The following WDFY4 variants were observed in gnomAD, a reference collection of about 807,000 sequenced individuals.
The protein encoded by WDFY4 is WDFY family member 4.
A neutral mutation model predicts 351.9 loss-of-function variants in WDFY4; 169 were observed. The ratio of observed to expected loss-of-function variants is 0.48; its 90% CI spans 0.42 to 0.55. The LOEUF (loss-of-function observed/expected upper bound fraction) is 0.55, where lower values mean the gene tolerates loss of function less well. WDFY4 is among the 20% of genes least tolerant of loss of function. WDFY4 has a pLI of 0.00. For missense variants in WDFY4, 3,803 were observed against 3,935.6 expected, an observed-to-expected ratio of 0.97 and a Z score of 0.90; for synonymous variants, 1,622 against 1,574.6, an observed-to-expected ratio of 1.03 and a Z score of -0.71.
chr10:48,959,428 C>T (rs1405166435), intron 52 of WDFY4, among the ~76,000 whole-genome samples: 1 of 152,148 alleles, frequency 6.6e-6, no homozygotes, highest in African/African-American at 2.4e-5. Context: ...CAGTACAGTG[C>T]AGAGGAAGAT....
rs1444234193 is a variant in WDFY4 at position 48,776,763 on chromosome 10, A to G, written c.2877A>G (p.Ala959=). The G allele has an allele frequency of 1.9e-6, 3 of 1,547,962 alleles. No individual in the cohort carries two copies. Among genetic ancestry groups the G allele is most frequent in the Admixed American group, 2.0e-5 (1 of 50,770 alleles). Residue 959 remains alanine (A), a synonymous_variant, in exon 16 of 62, where the codon GCA becomes GCG. Coordinates refer to ENST00000325239, the MANE Select transcript of WDFY4 (RefSeq NM_001394531.1). ...GNPGCSGSQT[A]QGLAEGPWPA... The stretch of plus-strand genomic sequence containing the variant: ...TTGCTGCCCTAGGGTCACAGACTGC[A>G]CAGGGCTTGGCTGAGGGGCCCTGGC...
In WDFY4 at chr10:48,900,143, T is replaced by C; in HGVS notation, c.7438-78T>C. On this transcript the variant is annotated intron_variant, in intron 45 of 61. Coordinates refer to ENST00000325239, the MANE Select transcript of WDFY4 (RefSeq NM_001394531.1). ...TGACACGGAGACCCGCAATGACCCA[T>C]TTCCAGCAGCTGTGTCACCCTGGGG... The C allele has an allele frequency of 2.3e-6, 3 of 1,325,426 alleles. No individual in the cohort carries two copies. The Admixed American group carries it at 6.7e-5, about 30-fold the overall frequency. The allele number at this position is 1,325,426 out of a possible 1,614,324, so 82.1% of individuals were successfully genotyped here. A position where few individuals can be genotyped will look rare whatever the true frequency, so the allele number is the denominator to read the frequency against.
At position 48,976,783 on chromosome 10, in the gene WDFY4, C is replaced by A; in HGVS notation, c.9109-14C>A. The A allele has an allele frequency of 7.3e-7, 1 of 1,373,336 alleles. No homozygotes were observed. The highest frequency in any genetic ancestry group is 9.5e-7 in the Non-Finnish European group (1 of 1,050,520). The allele number at this position is 1,373,336 out of a possible 1,614,324, so 85.1% of individuals were successfully genotyped here. ...TGACTCCAGCTTAGAGTGATGCCAG[C>A]TCTCACTGCACAGGGCACCATTGTC... On this transcript the variant is annotated splice_polypyrimidine_tract_variant and intron_variant, in intron 58 of 61. Coordinates refer to ENST00000325239, the MANE Select transcript of WDFY4 (RefSeq NM_001394531.1).
intron 50 of WDFY4, 139 bp downstream of exon 50, chr10:48,946,296 G>T: frequency 1.4e-6 from 1 of 699,266 alleles, no homozygotes; most frequent in Non-Finnish European, 2.4e-6. Flanking sequence ...GTGGTAGGAA[G>T]TGCCTGGGGA....
chr10:48,731,216 G>A lies in WDFY4; in HGVS notation c.1236G>A (p.Met412Ile). Residue 412 changes from methionine to isoleucine, a missense_variant, in exon 9 of 62, where the codon ATG becomes ATA. Coordinates refer to ENST00000325239, the MANE Select transcript of WDFY4 (RefSeq NM_001394531.1). ...AAGTCTTGTCAGTCATCAGGACCAT[G>A]TGGGCCTGGAATGCTCGAAACTTCT... ...CIQVLSVIRT[M>I]WAWNARNFFL... The A allele has an allele frequency of 6.4e-7, 1 of 1,551,870 alleles. No homozygotes were observed. Among genetic ancestry groups the A allele is most frequent in the Non-Finnish European group, 8.7e-7 (1 of 1,147,026 alleles).
intron 13 of WDFY4, among the ~76,000 whole-genome samples, chr10:48,773,981 C>A (rs1565181609): frequency 1.3e-5 from 2 of 152,190 alleles, no homozygotes; most frequent in Admixed American, 1.3e-4. Context: ...GCACAGCTCC[C>A]ACCCAGCACC....
At chr10:48,846,504 G>A (rs768780795) in intron 39 of WDFY4, among the ~76,000 whole-genome samples, 20 of 152,244 alleles carry the variant, frequency 1.3e-4, no homozygotes, top group Non-Finnish European at 2.6e-4. Flanking sequence ...CACAGGGCCT[G>A]AACTAGAGCA....
chr10:48,975,656 G>T (rs1401175928), intron 58 of WDFY4, among the ~76,000 whole-genome samples: 1 of 152,194 alleles, frequency 6.6e-6, no homozygotes, highest in Non-Finnish European at 1.5e-5. Flanking sequence ...TGGTGCTCCA[G>T]GTAGGCTTGA....
chr10:48,803,321 C>A lies in WDFY4; in HGVS notation c.4446C>A (p.Ser1482Arg), dbSNP rs1212343496. Residue 1482 changes from serine (S) to arginine (R), a missense_variant, in exon 25 of 62, where the codon AGC becomes AGA. Transcript: ENST00000325239. Reference sequence around the variant, plus strand: ...ATACTGCAGACAATCTGGAGCTCAGCCTCTTTTCCCATCTTTTGGAAATCC... The same window carrying A: ...ATACTGCAGACAATCTGGAGCTCAGACTCTTTTCCCATCTTTTGGAAATCC... ...WMNTADNLEL[S>R]LFSHLLEILQ... 1 of 1,551,912 alleles carries A rather than the reference C, an allele frequency of 6.4e-7. No individual in the cohort carries two copies. Among genetic ancestry groups the A allele is most frequent in the Admixed American group, 2.0e-5 (1 of 51,012 alleles).
intron 47 of WDFY4, among the ~76,000 whole-genome samples, chr10:48,918,692 G>A (rs1838771469): frequency 6.6e-6 from 1 of 152,180 alleles, no homozygotes; most frequent in Admixed American, 6.5e-5. Flanking sequence ...AAGGAAAAGG[G>A]TTTCTCAACC....
At chr10:48,792,435 C>G (rs1213448475) in intron 23 of WDFY4, among the ~76,000 whole-genome samples, 3 of 152,142 alleles carry the variant, frequency 2.0e-5, no homozygotes, top group Non-Finnish European at 4.4e-5. Context: ...ATTACTGACA[C>G]CATGAAGACA....
At chr10:48,711,894 A>T (rs2063776660) in intron 2 of WDFY4, among the ~76,000 whole-genome samples, 1 of 152,226 alleles carries the variant, frequency 6.6e-6, no homozygotes, top group East Asian at 1.9e-4. Flanking sequence ...TCTAATACTG[A>T]CGGTTGTATG....
At chr10:48,845,335 A>G (rs1379049385) in intron 39 of WDFY4, among the ~76,000 whole-genome samples, 1 of 152,116 alleles carries the variant, frequency 6.6e-6, no homozygotes, top group Non-Finnish European at 1.5e-5. Flanking sequence ...CCTCCCCCAC[A>G]CACTCATGAT....
chr10:48,839,283 C>A (rs1268005634), intron 39 of WDFY4, among the ~76,000 whole-genome samples: 2 of 152,180 alleles, frequency 1.3e-5, no homozygotes, highest in Non-Finnish European at 2.9e-5. Flanking sequence ...CAGAGAAATT[C>A]TTCTGAAAAA....
chr10:48,923,036 C>T (rs969538500), intron 47 of WDFY4, among the ~76,000 whole-genome samples: 3 of 152,182 alleles, frequency 2.0e-5, no homozygotes, highest in Non-Finnish European at 4.4e-5. Flanking sequence ...ACTGCAGAAA[C>T]ATTTTTAAAA....
At chr10:48,796,213 T>G in intron 23 of WDFY4, 85 bp from the exon 24 acceptor site, 1 of 1,441,630 alleles carries the variant, frequency 6.9e-7, no homozygotes, top group Non-Finnish European at 9.3e-7. Context: ...GCAGAAGGTT[T>G]GCAGACTGGA....
At chr10:48,790,615 T>C in intron 22 of WDFY4, 112 bp from the exon 23 acceptor site, 1 of 1,246,018 alleles carries the variant, frequency 8.0e-7, no homozygotes, top group Non-Finnish European at 1.1e-6. Flanking sequence ...TCCCTCTGGC[T>C]GTGGATGGAT....
rs1172300656 is a variant in WDFY4 at position 48,735,913 on chromosome 10, T to C, written c.1721T>C (p.Ile574Thr). The C allele has an allele frequency of 3.0e-5, 47 of 1,551,722 alleles. No homozygotes were observed. Among genetic ancestry groups the C allele is most frequent in the Non-Finnish European group, 4.0e-5 (46 of 1,146,998 alleles). ...AAGGACCACGGCATGGTGCCCTTCA[T>C]CAAGATCTTCCTGGATGACGAGTGC... ...VLKDHGMVPFIKIFLDDECYR... is the reference protein window; with the variant it reads ...VLKDHGMVPFTKIFLDDECYR... The change falls in exon 11 of 62, where the codon ATC becomes ACC. Residue 574 changes from isoleucine (I) to threonine (T), a missense_variant. By Grantham distance (89) the Ile-to-Thr change is moderately conservative. Transcript: ENST00000325239.
At chr10:48,835,151 A>G (rs1044249433) in intron 39 of WDFY4, among the ~76,000 whole-genome samples, 3 of 152,230 alleles carry the variant, frequency 2.0e-5, no homozygotes, top group African/African-American at 7.2e-5. Flanking sequence ...CAAAACTGAC[A>G]TATTCTCTTC....
Sources: allele counts gnomAD v4.1 joint callset (sites outside exome capture counted in the v4.1 genomes callset), GRCh38; gene constraint gnomAD v4.1.1; transcripts MANE v1.5; gene names NCBI Gene and HGNC (gene_info 2026-07-23, HGNC 2026-07-21).